PTPRU: variants seen among roughly 807,000 people sequenced by gnomAD.
PTPRU encodes protein tyrosine phosphatase receptor type U, also known as receptor-type tyrosine-protein phosphatase U.
In PTPRU, 69 loss-of-function variants were observed where a neutral mutation model predicts 166.3. That is an observed-to-expected ratio of 0.41 (90% CI 0.34 to 0.51). The LOEUF (loss-of-function observed/expected upper bound fraction) is 0.51, where lower values mean the gene tolerates loss of function less well. Ranked by LOEUF, PTPRU falls within the 20% of genes least tolerant of loss-of-function variation. The pLI is 0.09. For missense variants in PTPRU, 1,657 were observed against 2,013.7 expected, an observed-to-expected ratio of 0.82 and a Z score of 3.39; for synonymous variants, 793 against 814.0, an observed-to-expected ratio of 0.97 and a Z score of 0.44.
intron 29 of PTPRU, 67 bp from the exon 30 acceptor site, chr1:29,325,532 C>A: frequency 6.5e-7 from 1 of 1,541,260 alleles, no homozygotes; most frequent in South Asian, 1.1e-5. Context: ...ACTCCCCGTT[C>A]CCCTCCCCCC....
chr1:29,314,573 GAATT>G (rs1443326935), intron 22 of PTPRU, among the ~76,000 whole-genome samples: 1 of 127,058 alleles, frequency 7.9e-6, no homozygotes. Context: ...GTGTTTTATT[GAATT>G]AATTAATTTT....
intron 7 of PTPRU, among the ~76,000 whole-genome samples, chr1:29,274,056 A>G (rs1181831092): frequency 1.3e-5 from 2 of 151,912 alleles, no homozygotes; most frequent in Non-Finnish European, 2.9e-5. Context: ...TTTGGGACGG[A>G]GTCTCGCTCT....
rs762669142 is a variant in PTPRU at position 29,317,744 on chromosome 1, G to A, written c.3514-4G>A. ...CTCTCTGTCCCCACCCCCGCTCCCTGTAGACGCTGAACTCGGTCACCCCGC... is the reference window on the plus strand; with the variant it reads ...CTCTCTGTCCCCACCCCCGCTCCCTATAGACGCTGAACTCGGTCACCCCGC... On this transcript the variant is annotated splice_region_variant and splice_polypyrimidine_tract_variant and intron_variant, in intron 24 of 29. Coordinates refer to ENST00000373779, the MANE Select transcript of PTPRU (RefSeq NM_133178.4). This position sits in a 1 kb window ranked among gnomAD's most constrained non-coding sequence, Gnocchi z 5.6. 1 of 1,605,636 alleles carries A rather than the reference G, an allele frequency of 6.2e-7. No individual in the cohort carries two copies. The highest frequency in any genetic ancestry group is 8.5e-7 in the Non-Finnish European group (1 of 1,178,690).
chr1:29,260,722 G>C lies in PTPRU; in HGVS notation c.963G>C (p.Glu321Asp). 6.2e-7 allele frequency: 1 copy of C among 1,607,162 alleles called. No homozygotes were observed. The highest frequency in any genetic ancestry group is 8.5e-7 in the Non-Finnish European group (1 of 1,176,660). Residue 321 changes from glutamate to aspartate, a missense_variant, in exon 7 of 30, where the codon GAG (glutamate) becomes GAC (aspartate). Physicochemically the swap from Glu to Asp is conservative, Grantham distance 45. This residue lies in a region of PTPRU where 453 missense variants were observed against 496.9 expected (regional missense o/e 0.91). Transcript: ENST00000373779. The surrounding 1 kb of genome is among the most constrained non-coding windows in gnomAD (Gnocchi z 8.3). ...IIGDGPIVRK[E>D]IEYRMARGPW... ...GCGACGGGCCGATCGTGCGCAAGGA[G>C]ATTGAGTACCGCATGGCGCGCGGGC...
At chr1:29,310,692 G>A (rs1294798682) in intron 18 of PTPRU, 52 bp from the exon 19 acceptor site, 1 of 1,562,266 alleles carries the variant, frequency 6.4e-7, no homozygotes, top group Non-Finnish European at 8.8e-7. Context: ...AGGTGTGGGG[G>A]AGTGAGGGGC....
intron 21 of PTPRU, among the ~76,000 whole-genome samples, chr1:29,312,059 G>A (rs1220318114): frequency 2.0e-5 from 3 of 152,202 alleles, no homozygotes; most frequent in Admixed American, 6.5e-5. Context: ...GGAAAGCTCC[G>A]TGTGATTAGC....
chr1:29,307,911 C>G lies in PTPRU; in HGVS notation c.2820+2483C>G, dbSNP rs541150395. Among the ~76,000 whole-genome samples, 16 of 151,936 alleles carry G rather than the reference C, an allele frequency of 1.1e-4. No homozygotes were observed. In the East Asian group the frequency reaches 2.1e-3, roughly 20 times the overall value. ...AAGTAGCTGGAATTACAGGCATGCACCACCACGCCCAGCTAATTTTTGTAT... is the reference window on the plus strand; with the variant it reads ...AAGTAGCTGGAATTACAGGCATGCAGCACCACGCCCAGCTAATTTTTGTAT... On this transcript the variant is annotated intron_variant, in intron 18 of 29. Coordinates refer to ENST00000373779, the MANE Select transcript of PTPRU (RefSeq NM_133178.4).
chr1:29,265,519 C>T (rs1182742319), intron 7 of PTPRU, among the ~76,000 whole-genome samples: 9 of 151,932 alleles, frequency 5.9e-5, no homozygotes, highest in African/African-American at 9.7e-5. Context: ...CACACCACCA[C>T]GCCTGGCTAA....
chr1:29,310,600 C>T, intron 18 of PTPRU, 144 bp from the exon 19 acceptor site: 1 of 856,848 alleles, frequency 1.2e-6, no homozygotes. Flanking sequence ...GCAAAGTCAT[C>T]CTGCTTAGGA....
At chr1:29,297,412 G>C (rs1259194701) in intron 15 of PTPRU, among the ~76,000 whole-genome samples, 2 of 152,146 alleles carry the variant, frequency 1.3e-5, no homozygotes, top group African/African-American at 4.8e-5. Flanking sequence ...GGCTTGGAGA[G>C]GGGAAGTCAC....
At position 29,320,648 on chromosome 1, in the gene PTPRU, G is replaced by A. The variant is rs188609839; in HGVS notation, c.3688-37G>A. ...AGAGGCTCAGCCCAGGCCAGGGGCCGGGAACAGGGCCCTGCTGAGTTCCGG... is the reference window on the plus strand; with the variant it reads ...AGAGGCTCAGCCCAGGCCAGGGGCCAGGAACAGGGCCCTGCTGAGTTCCGG... On this transcript the variant is annotated intron_variant, in intron 25 of 29. Coordinates refer to ENST00000373779, the MANE Select transcript of PTPRU (RefSeq NM_133178.4). The surrounding 1 kb of genome is among the most constrained non-coding windows in gnomAD (Gnocchi z 5.2). The A allele has an allele frequency of 5.6e-5, 85 of 1,523,376 alleles. No homozygotes were observed. The highest frequency in any genetic ancestry group is 5.3e-4 in the Middle Eastern group (3 of 5,618). The allele number at this position is 1,523,376 out of a possible 1,614,324, so 94.4% of individuals were successfully genotyped here.
intron 7 of PTPRU, among the ~76,000 whole-genome samples, chr1:29,263,134 A>G (rs973228044): frequency 6.6e-6 from 1 of 152,110 alleles, no homozygotes; most frequent in Non-Finnish European, 1.5e-5. Context: ...ACAGGCACCC[A>G]CCACCATGCC....
At chr1:29,288,067 G>C (rs566856600) in intron 14 of PTPRU, among the ~76,000 whole-genome samples, 1 of 152,072 alleles carries the variant, frequency 6.6e-6, no homozygotes, top group African/African-American at 2.4e-5. Flanking sequence ...CACCCGCCTC[G>C]GCCTCCCAAA....
At chr1:29,314,313 T>G (rs528177703) in intron 22 of PTPRU, among the ~76,000 whole-genome samples, 1 of 152,350 alleles carries the variant, frequency 6.6e-6, no homozygotes, top group Non-Finnish European at 1.5e-5. Context: ...TTAGGAGATA[T>G]TGCTGAGCAG....
At chr1:29,297,704 G>T (rs911550651) in intron 15 of PTPRU, among the ~76,000 whole-genome samples, 6 of 152,162 alleles carry the variant, frequency 3.9e-5, no homozygotes, top group Admixed American at 3.3e-4. Flanking sequence ...ATGCCTAACC[G>T]CTGAGTCTTG....
At chr1:29,277,494 A>G (rs183921735) in intron 8 of PTPRU, among the ~76,000 whole-genome samples, 1 of 152,318 alleles carries the variant, frequency 6.6e-6, no homozygotes, top group African/African-American at 2.4e-5. Context: ...TATTTTGTGA[A>G]ATTTCATCTT....
Position 29,311,706 on chromosome 1 carries a change from GT to G in PTPRU, c.3020del (p.Val1007GlyfsTer54). ...DTYGDIKIMLVKTETLAEYVV... is the reference protein window; with the variant it reads ...DTYGDIKIMLXKTETLAEYVV... ...CTACGGGGACATCAAGATTATGCTG[GT>G]GAAGACAGAGACCCTGGCTGAGTAT... On this transcript the variant is annotated frameshift_variant, in exon 21 of 30. Transcript: ENST00000373779. LOFTEE classifies it high-confidence loss of function. The surrounding 1 kb of genome is among the most constrained non-coding windows in gnomAD (Gnocchi z 4.1). The G allele has an allele frequency of 6.2e-7, 1 of 1,614,232 alleles. No individual in the cohort carries two copies. Among genetic ancestry groups the G allele is most frequent in the Non-Finnish European group, 8.5e-7 (1 of 1,180,036 alleles).
chr1:29,318,110 C>G lies in PTPRU; in HGVS notation c.3687+189C>G, dbSNP rs900307536. Among the ~76,000 whole-genome samples the G allele has an allele frequency of 1.3e-4, 20 of 152,326 alleles. No homozygotes were observed. In the East Asian group the frequency reaches 3.1e-3, roughly 24 times the overall value. On this transcript the variant is annotated intron_variant, in intron 25 of 29. Coordinates refer to ENST00000373779, the MANE Select transcript of PTPRU (RefSeq NM_133178.4). ...TCAGGGCATTCAAGCCAGTGCCCCC[C>G]ACACTCTGCCTCAGTGGGGTCTGGT...
Position 29,311,625 on chromosome 1 carries a change from G to T in PTPRU, c.2956-18G>T, listed in dbSNP as rs748141984. ...GGCAGCAAAGAGCCCACTGAGTCCC[G>T]TCCTGTGGGGCCTCTAGGTGAAATG... On this transcript the variant is annotated intron_variant, in intron 20 of 29. Transcript: ENST00000373779. This position sits in a 1 kb window ranked among gnomAD's most constrained non-coding sequence, Gnocchi z 4.1. The T allele has an allele frequency of 6.2e-7, 1 of 1,613,764 alleles. No homozygotes were observed.
Sources: gnomAD v4.1 joint callset for allele counts (sites outside exome capture counted in the v4.1 genomes callset) on GRCh38, gnomAD v4.1.1 for gene constraint, gnomAD v4.1.1 regional missense constraint, Gnocchi (gnomAD v3.1) non-coding constraint, MANE v1.5 for transcripts, NCBI Gene and HGNC (gene_info 2026-07-23, HGNC 2026-07-21) for gene names.